Variants in SAMD4B observed in about 807,000 individuals in gnomAD.
SAMD4B encodes protein Smaug homolog 2.
In SAMD4B, 5 loss-of-function variants were observed where a neutral mutation model predicts 74.5. That is an observed-to-expected ratio of 0.07 (90% CI 0.04 to 0.14). The LOEUF is 0.14. Ranked by LOEUF, SAMD4B falls within the 10% of genes least tolerant of loss-of-function variation. The pLI is 1.00. For synonymous variants in SAMD4B, 373 were observed against 374.9 expected (o/e 1.00, Z 0.06); for missense variants, 608 against 921.8 (o/e 0.66, Z 4.41).
chr19:39,344,227 A>G (rs113131444), intron 1 of SAMD4B, among the ~76,000 whole-genome samples: 190 of 152,154 alleles, frequency 1.2e-3, no homozygotes, highest in African/African-American at 4.3e-3. Context: ...TTCCCCCAAA[A>G]TAACCCGAGC....
chr19:39,361,642 G>A (rs1283968584), intron 3 of SAMD4B, among the ~76,000 whole-genome samples: 5 of 148,940 alleles, frequency 3.4e-5, no homozygotes, highest in Non-Finnish European at 4.4e-5. Context: ...CTGTCTTCCC[G>A]GCCGGGCGCG....
Position 39,383,144 on chromosome 19 carries a change from C to G in SAMD4B, c.1973-64C>G. ...TTCCCATACCAGCATCCTTTGTCAT[C>G]CCAGCTGTCTTCACCTGAGTCCAGT... is the stretch of plus-strand genomic sequence containing the variant. On this transcript the variant is annotated intron_variant, in intron 12 of 13. Transcript: ENST00000610417. The surrounding 1 kb of genome is among the most constrained non-coding windows in gnomAD (Gnocchi z 4.1). 1.5e-6 allele frequency: 2 copies of G among 1,300,424 alleles called. No individual in the cohort carries two copies. Among genetic ancestry groups the G allele is most frequent in the Non-Finnish European group, 2.2e-6 (2 of 893,688 alleles). The allele number at this position is 1,300,424 out of a possible 1,614,324, so 80.6% of individuals were successfully genotyped here.
chr19:39,385,803 G>C, downstream of SAMD4B: 1 of 816,544 alleles, frequency 1.2e-6, no homozygotes, highest in South Asian at 1.8e-5. Flanking sequence ...TGGGGGTTGC[G>C]GGAGGTATGT....
intron 3 of SAMD4B, among the ~76,000 whole-genome samples, chr19:39,362,854 T>G (rs568215868): frequency 6.6e-6 from 1 of 152,008 alleles, no homozygotes; most frequent in Non-Finnish European, 1.5e-5. Context: ...GCTCATTCAG[T>G]CTGGGTGGGG....
At chr19:39,367,222 A>C (rs2077010903) in intron 3 of SAMD4B, among the ~76,000 whole-genome samples, 1 of 152,144 alleles carries the variant, frequency 6.6e-6, no homozygotes. Flanking sequence ...TTGGGGTCCT[A>C]GCTCTGTCTG....
intron 2 of SAMD4B, among the ~76,000 whole-genome samples, chr19:39,355,845 G>A (rs1426368198): frequency 6.6e-6 from 1 of 152,184 alleles, no homozygotes; most frequent in East Asian, 1.9e-4. Flanking sequence ...TCCAGGAGGA[G>A]CCTGAGACAA....
chr19:39,349,731 G>C (rs2075916925), intron 1 of SAMD4B: 1 of 152,184 alleles, frequency 6.6e-6, no homozygotes, highest in African/African-American at 2.4e-5. Context: ...ACTAGGAATG[G>C]GTAAGAAGGC....
chr19:39,352,505 A>AC lies in SAMD4B; in HGVS notation c.-266-1501_-266-1500insC, dbSNP rs1206619626. Reference sequence around the variant, plus strand: ...TCTTTAGGGGAAAAAAAAAAAAAAAAAAACCTAAGACGTAACAATACTGGA... The same window carrying AC: ...TCTTTAGGGGAAAAAAAAAAAAAAAACAAACCTAAGACGTAACAATACTGGA... On this transcript the variant is annotated intron_variant, in intron 1 of 13. Transcript: ENST00000610417. 2.6e-3 allele frequency: 401 copies of AC among 152,080 alleles called. 3 individuals carry two copies. Among genetic ancestry groups the AC allele is most frequent in the African/African-American group, 9.0e-3 (374 of 41,462 alleles). 9.4% of individuals were successfully genotyped at this position (152,080 alleles called of 1,614,324 possible).
At chr19:39,354,838 G>T (rs2076252254) in intron 2 of SAMD4B, among the ~76,000 whole-genome samples, 1 of 152,184 alleles carries the variant, frequency 6.6e-6, no homozygotes, top group African/African-American at 2.4e-5. Flanking sequence ...ATAGGGCTCG[G>T]TAGTTCAAGA....
chr19:39,377,771 C>T lies in SAMD4B; in HGVS notation c.1391C>T (p.Ala464Val). 1 of 1,613,214 alleles carries T rather than the reference C, an allele frequency of 6.2e-7. No individual in the cohort carries two copies. Among genetic ancestry groups the T allele is most frequent in the Non-Finnish European group, 8.5e-7 (1 of 1,179,408 alleles). Residue 464 changes from alanine (A) to valine (V), a missense_variant, in exon 8 of 14, where the codon GCT becomes GTT. Ala to Val is a moderately conservative substitution (Grantham distance 64, BLOSUM62 0). Transcript: ENST00000610417. The part of the protein sequence containing the change: ...APTDGSEPAP[A>V]PVADGDIPSQ... ...ACTGATGGCAGTGAGCCTGCCCCGG[C>T]TCCCGTCGCCGACGGAGACATCCCC... is the stretch of plus-strand genomic sequence containing the variant.
In SAMD4B at chr19:39,378,132, CAG is replaced by C. The variant is rs1421286544; in HGVS notation, c.1444+311_1444+312del. On this transcript the variant is annotated intron_variant, in intron 8 of 13. Transcript: ENST00000610417. The surrounding 1 kb of genome is among the most constrained non-coding windows in gnomAD (Gnocchi z 4.4). ...TTGAGGGGAGTCCATTGATTTCTCT[CAG>C]AGGGGACCAAAGTCCAGGGGATGGG... 6.6e-6 allele frequency among the ~76,000 whole-genome samples: 1 copy of C among 152,186 alleles called. No homozygotes were observed. The highest frequency in any genetic ancestry group is 2.4e-5 in the African/African-American group (1 of 41,448).
chr19:39,365,551 T>C (rs1256406339), intron 3 of SAMD4B, among the ~76,000 whole-genome samples: 1 of 149,856 alleles, frequency 6.7e-6, no homozygotes, highest in African/African-American at 2.4e-5. Flanking sequence ...CAAGCCTCCA[T>C]GTCAAAAAAA....
downstream of SAMD4B, chr19:39,390,321 G>C: frequency 6.3e-7 from 1 of 1,593,882 alleles, no homozygotes; most frequent in Non-Finnish European, 8.6e-7. Context: ...GTGATAGGTG[G>C]AGAGGACGGG....
At chr19:39,372,169 C>A (rs2077346438) in intron 4 of SAMD4B, among the ~76,000 whole-genome samples, 1 of 152,126 alleles carries the variant, frequency 6.6e-6, no homozygotes. Context: ...AAGTAGAAGG[C>A]ACAGCATGAA....
intron 1 of SAMD4B, among the ~76,000 whole-genome samples, chr19:39,343,153 C>T (rs2075428870): frequency 6.6e-6 from 1 of 152,074 alleles, no homozygotes; most frequent in Non-Finnish European, 1.5e-5. Context: ...CCAAGGCTCC[C>T]TCCGGACCCC....
At position 39,356,805 on chromosome 19, in the gene SAMD4B, A is replaced by T; in HGVS notation, c.-89A>T. Reference sequence around the variant, plus strand: ...GTCCTTAAGCCCTGGCCCTCAGGGGAAAGGTAACAGGAGGCCAGAGCCGGG... The same window carrying T: ...GTCCTTAAGCCCTGGCCCTCAGGGGTAAGGTAACAGGAGGCCAGAGCCGGG... On this transcript the variant is annotated 5_prime_UTR_variant, in exon 3 of 14. Transcript: ENST00000610417. The T allele has an allele frequency of 8.8e-7, 1 of 1,137,484 alleles. No individual in the cohort carries two copies. The allele number at this position is 1,137,484 out of a possible 1,614,324, so 70.5% of individuals were successfully genotyped here.
intron 2 of SAMD4B, among the ~76,000 whole-genome samples, chr19:39,355,323 A>G (rs2076282902): frequency 6.6e-6 from 1 of 152,132 alleles, no homozygotes; most frequent in Admixed American, 6.5e-5. Flanking sequence ...CCTGCTTCTT[A>G]CATCCAAAGG....
chr19:39,389,778 C>G, downstream of SAMD4B: 2 of 1,613,932 alleles, frequency 1.2e-6, no homozygotes, highest in Non-Finnish European at 1.7e-6. The surrounding 1 kb of genome is among the most constrained non-coding windows in gnomAD (Gnocchi z 5.3). Context: ...GGGGAAACAC[C>G]TATTGTGGTG....
Position 39,375,675 on chromosome 19 carries a change from C to T in SAMD4B, c.693C>T (p.Ser231=). ...GTCTCCCCTGCCAAATCCACCCTAG[C>T]CCACTGAAGCGCTCCATGTCACTCA... The part of the protein sequence containing the change: ...NTGLPCQIHP[S]PLKRSMSLIP... The change falls in exon 5 of 14, where the codon AGC becomes AGT. Residue 231 remains serine (S), a synonymous_variant. Transcript: ENST00000610417. This position sits in a 1 kb window ranked among gnomAD's most constrained non-coding sequence, Gnocchi z 4.1. 6.2e-7 allele frequency: 1 copy of T among 1,609,146 alleles called. No individual in the cohort carries two copies. The highest frequency in any genetic ancestry group is 8.5e-7 in the Non-Finnish European group (1 of 1,175,902).
Sources: gnomAD v4.1 joint callset for allele counts (sites outside exome capture counted in the v4.1 genomes callset) on GRCh38, gnomAD v4.1.1 for gene constraint, Gnocchi (gnomAD v3.1) non-coding constraint, MANE v1.5 for transcripts, NCBI Gene and HGNC (gene_info 2026-07-23, HGNC 2026-07-21) for gene names.